LRRTM4: variants seen among roughly 807,000 people sequenced by gnomAD.
LRRTM4 encodes the protein leucine rich repeat transmembrane neuronal 4, also known as leucine-rich repeat transmembrane neuronal protein 4.
Under a neutral mutation model 47.6 loss-of-function variants are expected in LRRTM4, and 25 were observed. That is an observed-to-expected ratio of 0.53 (90% confidence interval 0.38 to 0.73). LRRTM4 has a LOEUF of 0.73. LRRTM4 is among the 30% of genes least tolerant of loss of function. LRRTM4 has a pLI of 0.00. For synonymous variants in LRRTM4, 311 were observed against 269.5 expected (o/e 1.15, Z -1.51); for missense variants, 638 against 713.4 (o/e 0.89, Z 1.20).
intron 3 of LRRTM4, among the ~76,000 whole-genome samples, chr2:76,938,589 CA>C (rs1675034826): frequency 1.3e-5 from 2 of 152,010 alleles, no homozygotes; most frequent in South Asian, 2.1e-4. Context: ...CTTCAGTGAA[CA>C]AAATGAGATA....
At chr2:77,268,826 T>C (rs1178401724) in intron 3 of LRRTM4, among the ~76,000 whole-genome samples, 3 of 152,288 alleles carry the variant, frequency 2.0e-5, no homozygotes, top group East Asian at 3.9e-4. Context: ...TGTCATCTAG[T>C]GGTTTTCAAA....
chr2:77,476,639 A>G (rs1441457850), intron 3 of LRRTM4, among the ~76,000 whole-genome samples: 1 of 152,148 alleles, frequency 6.6e-6, no homozygotes, highest in East Asian at 1.9e-4. Flanking sequence ...TAGATAATGC[A>G]ATCTCCAAAA....
chr2:77,384,963 A>G (rs1296470535), intron 3 of LRRTM4, among the ~76,000 whole-genome samples: 2 of 152,174 alleles, frequency 1.3e-5, no homozygotes, highest in East Asian at 3.9e-4. Context: ...AGGTATTTAC[A>G]GAGAACCAAT....
At position 76,974,181 on chromosome 2, in the gene LRRTM4, TAC is replaced by T. The variant is rs1451068385; in HGVS notation, c.1552-225267_1552-225266del. Among the ~76,000 whole-genome samples, 177 of 112,884 alleles carry T rather than the reference TAC, an allele frequency of 1.6e-3. 1 individual carries two copies. Among genetic ancestry groups the T allele is most frequent in the African/African-American group, 4.9e-3 (116 of 23,528 alleles). 74.1% of individuals were successfully genotyped at this position (112,884 alleles called of 152,430 possible). A position where few individuals can be genotyped will look rare whatever the true frequency, so the allele number is the denominator to read the frequency against. On this transcript the variant is annotated intron_variant, in intron 3 of 3. Coordinates refer to ENST00000409884, the MANE Select transcript of LRRTM4 (RefSeq NM_001134745.3). ...ATATATATATATACATACATATATA[TAC>T]ATACATATATATACATATATATATA... is the stretch of plus-strand genomic sequence containing the variant.
intron 3 of LRRTM4, among the ~76,000 whole-genome samples, chr2:77,261,856 G>C (rs532477907): frequency 1.3e-5 from 2 of 152,074 alleles, no homozygotes; most frequent in South Asian, 4.2e-4. Context: ...ATACAACATG[G>C]GTTCCCAACC....
At chr2:76,918,309 ATT>A (rs1674322063) in intron 3 of LRRTM4, among the ~76,000 whole-genome samples, 1 of 152,234 alleles carries the variant, frequency 6.6e-6, no homozygotes, top group South Asian at 2.1e-4. Context: ...TAGGAATTTT[ATT>A]TAATGTTTAA....
intron 3 of LRRTM4, among the ~76,000 whole-genome samples, chr2:77,207,372 T>TATATATATATATATATACACACACACAC (rs59335400): frequency 1.5e-5 from 2 of 131,110 alleles, no homozygotes; most frequent in East Asian, 5.4e-4. Flanking sequence ...TATATATATA[T>TATATATATATATATATACACACACACAC]ACACACACAC....
intron 3 of LRRTM4, among the ~76,000 whole-genome samples, chr2:76,876,922 T>C (rs189099734): frequency 5.9e-5 from 9 of 152,250 alleles, no homozygotes; most frequent in African/African-American, 9.6e-5. Context: ...CACTGTTAAA[T>C]TGTTTAAAAT....
intron 3 of LRRTM4, among the ~76,000 whole-genome samples, chr2:77,182,761 G>C (rs552056290): frequency 6.6e-6 from 1 of 152,160 alleles, no homozygotes; most frequent in South Asian, 2.1e-4. Context: ...GTTTTCAAAG[G>C]GAATGCTTCC....
intron 3 of LRRTM4, among the ~76,000 whole-genome samples, chr2:77,322,908 C>G (rs1338689657): frequency 6.6e-6 from 1 of 151,248 alleles, no homozygotes; most frequent in African/African-American, 2.4e-5. Flanking sequence ...ATGTCAGCAT[C>G]TGATAACTGT....
At chr2:77,052,748 G>A (rs151325982) in intron 3 of LRRTM4, among the ~76,000 whole-genome samples, 12 of 151,954 alleles carry the variant, frequency 7.9e-5, no homozygotes, top group Admixed American at 1.3e-4. Context: ...AAGTATCCTC[G>A]TGAAAGTTTC....
chr2:77,016,489 A>C (rs1678076298), intron 3 of LRRTM4, among the ~76,000 whole-genome samples: 1 of 152,116 alleles, frequency 6.6e-6, no homozygotes, highest in Non-Finnish European at 1.5e-5. Context: ...GGTAACTAAG[A>C]GCTGAGATTT....
At chr2:77,356,211 A>G (rs1320040145) in intron 3 of LRRTM4, among the ~76,000 whole-genome samples, 2 of 152,372 alleles carry the variant, frequency 1.3e-5, no homozygotes, top group East Asian at 1.9e-4. Flanking sequence ...TAACATGATC[A>G]TAATAATATT....
intron 3 of LRRTM4, among the ~76,000 whole-genome samples, chr2:76,754,380 A>G (rs1454712228): frequency 6.6e-6 from 1 of 152,156 alleles, no homozygotes. Flanking sequence ...AACTTAGACA[A>G]AAGGGAAATT....
At chr2:76,803,427 T>C (rs1449731405) in intron 3 of LRRTM4, among the ~76,000 whole-genome samples, 1 of 152,026 alleles carries the variant, frequency 6.6e-6, no homozygotes, top group Non-Finnish European at 1.5e-5. Flanking sequence ...AAATGGCTAT[T>C]ATAAGAAAGA....
intron 3 of LRRTM4, among the ~76,000 whole-genome samples, chr2:76,869,153 A>T (rs1012349085): frequency 1.3e-5 from 2 of 152,092 alleles, no homozygotes; most frequent in Non-Finnish European, 2.9e-5. Flanking sequence ...TACTAAAAAT[A>T]CAAAAATTAG....
chr2:76,942,705 T>TGTGTGTGTGTGTGTGTGTGTG (rs1558753144), intron 3 of LRRTM4, among the ~76,000 whole-genome samples: 8 of 151,648 alleles, frequency 5.3e-5, no homozygotes, highest in African/African-American at 1.2e-4. Context: ...TGTGTGTGTG[T>TGTGTGTGTGTGTGTGTGTGTG]TTAAATCTGT....
chr2:77,241,537 C>A (rs577188475), intron 3 of LRRTM4, among the ~76,000 whole-genome samples: 1 of 151,952 alleles, frequency 6.6e-6, no homozygotes, highest in Non-Finnish European at 1.5e-5. Context: ...CAAAACAGTT[C>A]ATATTTAGTA....
At chr2:77,372,011 C>T (rs1221328754) in intron 3 of LRRTM4, among the ~76,000 whole-genome samples, 4 of 151,750 alleles carry the variant, frequency 2.6e-5, no homozygotes, top group Admixed American at 2.0e-4. Flanking sequence ...GTTCTCCATG[C>T]CCCTCAAGTC....
Sources: gnomAD v4.1 joint callset for allele counts (sites outside exome capture counted in the v4.1 genomes callset) on GRCh38, gnomAD v4.1.1 for gene constraint, MANE v1.5 for transcripts, NCBI Gene and HGNC (gene_info 2026-07-23, HGNC 2026-07-21) for gene names.